The following INSC variants were observed in gnomAD, a reference collection of about 807,000 sequenced individuals.
INSC encodes the protein INSC spindle orientation adaptor protein, also known as protein inscuteable homolog.
In INSC, 67 loss-of-function variants were observed where a neutral mutation model predicts 58.6. The ratio of observed to expected loss-of-function variants is 1.14; its 90% CI spans 0.94 to 1.40. The LOEUF (loss-of-function observed/expected upper bound fraction) is 1.40, where lower values mean the gene tolerates loss of function less well. INSC is among the 40% of genes most tolerant of loss of function. The pLI is 0.00. For missense variants in INSC, 714 were observed against 692.0 expected, an observed-to-expected ratio of 1.03 and a Z score of -0.36; for synonymous variants, 262 against 276.1, an observed-to-expected ratio of 0.95 and a Z score of 0.51.
intron 3 of INSC, 65 bp from the exon 4 acceptor site, chr11:15,177,046 A>G (rs1398960830): frequency 8.0e-7 from 1 of 1,257,432 alleles, no homozygotes; most frequent in Non-Finnish European, 1.2e-6. Flanking sequence ...CCGTGTGCTC[A>G]GCACAGCAGT....
intron 1 of INSC, among the ~76,000 whole-genome samples, chr11:15,134,840 T>TTTAC (rs772242175): frequency 9.2e-5 from 14 of 151,656 alleles, no homozygotes; most frequent in Non-Finnish European, 1.5e-4. Context: ...TATTTATTTA[T>TTTAC]TTATTTATTT....
Position 15,237,691 on chromosome 11 carries a change from A to G in INSC, c.1238-1228A>G, listed in dbSNP as rs140220241. On this transcript the variant is annotated intron_variant, in intron 10 of 12. Coordinates refer to ENST00000379556, the MANE Select transcript of INSC (RefSeq NM_001042536.3). ...GCTTTGAGAGTCCATGGTCTAAATA[A>G]CAGGTTGCAAACTTAGATGCCTACA... is the stretch of plus-strand genomic sequence containing the variant. Among the ~76,000 whole-genome samples, 395 of 152,304 alleles carry G rather than the reference A, an allele frequency of 2.6e-3. 5 individuals carry two copies. The highest frequency in any genetic ancestry group is 8.8e-3 in the African/African-American group (365 of 41,572).
At chr11:15,240,052 C>G (rs1382860589) in intron 11 of INSC, among the ~76,000 whole-genome samples, 3 of 152,114 alleles carry the variant, frequency 2.0e-5, no homozygotes, top group South Asian at 4.1e-4. Flanking sequence ...AGAAGTCAGT[C>G]TGCATTGCAA....
At chr11:15,154,950 G>A (rs563856388) in intron 2 of INSC, among the ~76,000 whole-genome samples, 2 of 152,314 alleles carry the variant, frequency 1.3e-5, no homozygotes, top group South Asian at 4.2e-4. Flanking sequence ...ACATTTCAAG[G>A]CATAGTAGTT....
intron 9 of INSC, 33 bp from the exon 10 acceptor site, chr11:15,235,569 C>T (rs751693489): frequency 1.3e-6 from 2 of 1,574,868 alleles, no homozygotes; most frequent in Admixed American, 1.7e-5. Context: ...CAGGTGTGCT[C>T]ATTTTCTGAG....
intron 1 of INSC, among the ~76,000 whole-genome samples, chr11:15,127,004 T>G (rs1035235602): frequency 6.6e-6 from 1 of 152,286 alleles, no homozygotes; most frequent in African/African-American, 2.4e-5. Context: ...TCACTGGTGG[T>G]CCTGATCATG....
intron 5 of INSC, 150 bp downstream of exon 5, chr11:15,178,597 T>C: frequency 1.2e-6 from 1 of 838,372 alleles, no homozygotes; most frequent in South Asian, 2.0e-5. Context: ...AACTCCAGCA[T>C]TTGTGAAACA....
chr11:15,230,188 T>G (rs1018185181), intron 9 of INSC, among the ~76,000 whole-genome samples: 2 of 147,334 alleles, frequency 1.4e-5, no homozygotes, highest in Non-Finnish European at 3.0e-5. Context: ...AGACCTTGTC[T>G]CAAAAATAAA....
At chr11:15,256,541 G>T in the INSC span, among the ~76,000 whole-genome samples, 97 of 151,014 alleles carry the variant, frequency 6.4e-4, 1 homozygote, top group South Asian at 0.02. Context: ...CCAGGCTGGA[G>T]TACAGTGGCA....
intron 9 of INSC, among the ~76,000 whole-genome samples, chr11:15,229,985 ATATAT>A (rs1350866468): frequency 4.0e-5 from 1 of 24,870 alleles, no homozygotes; most frequent in Non-Finnish European, 6.6e-5. Flanking sequence ...TATATTATAT[ATATAT>A]ATATATATAT....
the INSC span, among the ~76,000 whole-genome samples, chr11:15,258,851 A>T: frequency 6.6e-6 from 1 of 152,148 alleles, no homozygotes; most frequent in Non-Finnish European, 1.5e-5. Flanking sequence ...ATGAGGCAGG[A>T]CATCTAGGGT....
chr11:15,237,175 C>T (rs191431850), intron 10 of INSC, among the ~76,000 whole-genome samples: 1 of 152,342 alleles, frequency 6.6e-6, no homozygotes, highest in Admixed American at 6.5e-5. Context: ...AACTAAATCC[C>T]TGTCTTTGTC....
intron 9 of INSC, among the ~76,000 whole-genome samples, chr11:15,232,417 CT>C (rs1564919307): frequency 6.6e-6 from 1 of 152,068 alleles, no homozygotes; most frequent in East Asian, 1.9e-4. Flanking sequence ...TAAAAGATAC[CT>C]TTTATTTATT....
chr11:15,167,500 A>T, intron 2 of INSC, among the ~76,000 whole-genome samples: 1 of 152,010 alleles, frequency 6.6e-6, no homozygotes, highest in South Asian at 2.1e-4. Flanking sequence ...TCACTTTGTC[A>T]CCCAGACTGT....
At chr11:15,113,147 G>GTCTTTCTTTCTCTCTCTC (rs1196580161), upstream of INSC, among the ~76,000 whole-genome samples, 3 of 113,744 alleles carry the variant, frequency 2.6e-5, no homozygotes, top group African/African-American at 9.4e-5. Flanking sequence ...CTTTCTTTCT[G>GTCTTTCTTTCTCTCTCTC]TCTCTCTCTC....
chr11:15,228,491 GAAC>G (rs1312930194), intron 9 of INSC, among the ~76,000 whole-genome samples: 8 of 152,180 alleles, frequency 5.3e-5, no homozygotes, highest in Admixed American at 5.2e-4. Flanking sequence ...TCCTGTCTCA[GAAC>G]AACCACTTAG....
At chr11:15,182,482 C>G (rs757662711) in intron 5 of INSC, among the ~76,000 whole-genome samples, 6 of 152,192 alleles carry the variant, frequency 3.9e-5, no homozygotes, top group Non-Finnish European at 5.9e-5. Flanking sequence ...AAAAAAATGC[C>G]TCCTTTCTCA....
At chr11:15,255,406 G>A in the INSC span, among the ~76,000 whole-genome samples, 31,947 of 151,996 alleles carry the variant, frequency 0.21, 3,687 homozygotes, top group African/African-American at 0.3. Flanking sequence ...TAAAAGTCCT[G>A]TGCAATTCTG....
chr11:15,244,300 G>A (rs1324489601), intron 12 of INSC, among the ~76,000 whole-genome samples: 2 of 152,162 alleles, frequency 1.3e-5, no homozygotes, highest in East Asian at 3.9e-4. Flanking sequence ...GAGTCGAGAT[G>A]TGTGTGTTAG....
Sources: allele counts gnomAD v4.1 joint callset (sites outside exome capture counted in the v4.1 genomes callset), GRCh38; gene constraint gnomAD v4.1.1; transcripts MANE v1.5; gene names NCBI Gene and HGNC (gene_info 2026-07-23, HGNC 2026-07-21).